Variants in QTMAN observed in about 807,000 individuals in gnomAD.
The protein encoded by QTMAN is queuosine-tRNA mannosyltransferase.
At chr2:144,182,808 A>AAT in the QTMAN span, among the ~76,000 whole-genome samples, 39,479 of 51,790 alleles carry the variant, frequency 0.76, 16,124 homozygotes, top group South Asian at 0.85. Flanking sequence ...TTATATATAT[A>AAT]ATATATATAT....
the QTMAN span, among the ~76,000 whole-genome samples, chr2:144,160,037 C>A: frequency 6.6e-6 from 1 of 151,766 alleles, no homozygotes; most frequent in East Asian, 1.9e-4. Context: ...GAAAAAGGGA[C>A]CAGTTATGAG....
At chr2:144,005,240 C>T in the QTMAN span, among the ~76,000 whole-genome samples, 1 of 151,972 alleles carries the variant, frequency 6.6e-6, no homozygotes, top group South Asian at 2.1e-4. Flanking sequence ...GCATAAAGTG[C>T]TTTTCTTTTC....
At chr2:144,275,731 A>G in the QTMAN span, among the ~76,000 whole-genome samples, 2 of 151,172 alleles carry the variant, frequency 1.3e-5, no homozygotes, top group African/African-American at 4.9e-5. Flanking sequence ...TGGCCTCACA[A>G]GTCCAACAAC....
At chr2:144,292,895 A>T in the QTMAN span, among the ~76,000 whole-genome samples, 1 of 152,202 alleles carries the variant, frequency 6.6e-6, no homozygotes, top group South Asian at 2.1e-4. Flanking sequence ...CTCACAAATT[A>T]TCAAGTAATT....
the QTMAN span, among the ~76,000 whole-genome samples, chr2:144,299,550 G>A: frequency 6.6e-6 from 1 of 152,060 alleles, no homozygotes; most frequent in Non-Finnish European, 1.5e-5. Context: ...ACAGCACTTG[G>A]GCTCACAGTA....
the QTMAN span, among the ~76,000 whole-genome samples, chr2:144,190,768 G>A: frequency 6.6e-6 from 1 of 152,192 alleles, no homozygotes; most frequent in Non-Finnish European, 1.5e-5. Flanking sequence ...AGACTTAGGA[G>A]GGTATGATTC....
At chr2:144,234,990 G>T in the QTMAN span, among the ~76,000 whole-genome samples, 1 of 152,196 alleles carries the variant, frequency 6.6e-6, no homozygotes, top group South Asian at 2.1e-4. Context: ...ATTTACTTTG[G>T]CTGGTAAGGG....
the QTMAN span, among the ~76,000 whole-genome samples, chr2:144,212,328 G>A: frequency 6.6e-6 from 1 of 152,068 alleles, no homozygotes; most frequent in Non-Finnish European, 1.5e-5. Context: ...CAGGCATGGT[G>A]AGGCATGCCC....
chr2:143,951,258 C>A, the QTMAN span, among the ~76,000 whole-genome samples: 1 of 151,536 alleles, frequency 6.6e-6, no homozygotes, highest in East Asian at 1.9e-4. Flanking sequence ...CCTAGAGCCA[C>A]CTTCAAAACT....
At chr2:144,070,748 A>T in the QTMAN span, among the ~76,000 whole-genome samples, 1 of 152,130 alleles carries the variant, frequency 6.6e-6, no homozygotes, top group African/African-American at 2.4e-5. Context: ...GTTAAAGATT[A>T]TTTCTTAAAA....
the QTMAN span, among the ~76,000 whole-genome samples, chr2:144,222,270 A>C: frequency 1.3e-5 from 2 of 151,370 alleles, no homozygotes; most frequent in Non-Finnish European, 2.9e-5. Flanking sequence ...CACGTCAGCC[A>C]GGATGGTCTC....
At chr2:144,087,550 GAT>G in the QTMAN span, among the ~76,000 whole-genome samples, 23 of 151,952 alleles carry the variant, frequency 1.5e-4, no homozygotes, top group African/African-American at 5.5e-4. Flanking sequence ...AACACAGATA[GAT>G]GCAAAAATCC....
At chr2:143,947,846 A>C in the QTMAN span, among the ~76,000 whole-genome samples, 8 of 152,056 alleles carry the variant, frequency 5.3e-5, no homozygotes, top group South Asian at 1.7e-3. Flanking sequence ...GACCAAATAA[A>C]ATTGCAGGAG....
chr2:144,101,394 T>TCTCTCTCA, the QTMAN span, among the ~76,000 whole-genome samples: 1 of 150,234 alleles, frequency 6.7e-6, no homozygotes, highest in African/African-American at 2.4e-5. Flanking sequence ...TATCTCTCTC[T>TCTCTCTCA]CACACACACA....
At chr2:144,119,498 T>C in the QTMAN span, among the ~76,000 whole-genome samples, 1 of 152,196 alleles carries the variant, frequency 6.6e-6, no homozygotes, top group East Asian at 1.9e-4. Context: ...CTACTTCTGG[T>C]GTACCTCATA....
At chr2:144,129,692 G>A in the QTMAN span, among the ~76,000 whole-genome samples, 1 of 151,972 alleles carries the variant, frequency 6.6e-6, no homozygotes, top group African/African-American at 2.4e-5. Context: ...CATCACCCAT[G>A]TGGAATGTAT....
chr2:144,274,082 C>T, the QTMAN span, among the ~76,000 whole-genome samples: 46 of 152,148 alleles, frequency 3.0e-4, no homozygotes, highest in East Asian at 8.5e-3. Context: ...TGCAGTAGGC[C>T]GAGATCACGC....
the QTMAN span, among the ~76,000 whole-genome samples, chr2:144,181,521 T>G: frequency 6.6e-6 from 1 of 152,076 alleles, no homozygotes; most frequent in Non-Finnish European, 1.5e-5. Context: ...AATAATAATT[T>G]TAATAACTTG....
At chr2:144,189,587 G>C in the QTMAN span, among the ~76,000 whole-genome samples, 1 of 152,008 alleles carries the variant, frequency 6.6e-6, no homozygotes, top group South Asian at 2.1e-4. Context: ...AGTATGTTCT[G>C]TTCCCTGGGA....
Sources: gnomAD v4.1 joint callset for allele counts (sites outside exome capture counted in the v4.1 genomes callset) on GRCh38, gnomAD v4.1.1 for gene constraint, MANE v1.5 for transcripts, NCBI Gene and HGNC (gene_info 2026-07-23, HGNC 2026-07-21) for gene names.